Variants in BCL11B observed in about 807,000 individuals in gnomAD.
The protein encoded by BCL11B is B-cell lymphoma/leukemia 11B.
Under a neutral mutation model 49.9 loss-of-function variants are expected in BCL11B, and 8 were observed. That is an observed-to-expected ratio of 0.16 (90% confidence interval 0.09 to 0.29). The LOEUF (loss-of-function observed/expected upper bound fraction) is 0.29, where lower values mean the gene tolerates loss of function less well. BCL11B is among the 10% of genes least tolerant of loss of function. The pLI, the probability that BCL11B is intolerant of heterozygous loss-of-function variation, is 1.00. For synonymous variants in BCL11B, 739 were observed against 637.4 expected (o/e 1.16, Z -2.40); for missense variants, 1,006 against 1,351.0 (o/e 0.74, Z 4.00).
chr14:99,269,663 TATTTA>T (rs1338508878), intron 1 of BCL11B, among the ~76,000 whole-genome samples: 1 of 151,120 alleles, frequency 6.6e-6, no homozygotes, highest in African/African-American at 2.4e-5. Flanking sequence ...TTTATATATT[TATTTA>T]TTTATTTAAA....
At chr14:99,244,990 G>A (rs541452789) in intron 2 of BCL11B, among the ~76,000 whole-genome samples, 6 of 152,290 alleles carry the variant, frequency 3.9e-5, no homozygotes, top group Non-Finnish European at 7.3e-5. Context: ...TCCAATCCTA[G>A]CCTGGAAAAG....
Position 99,232,498 on chromosome 14 carries a change from T to C in BCL11B, c.428-941A>G, listed in dbSNP as rs1182746189. On this transcript the variant is annotated intron_variant, in intron 2 of 3. Coordinates refer to ENST00000357195, the MANE Select transcript of BCL11B (RefSeq NM_138576.4). The surrounding 1 kb of genome is among the most constrained non-coding windows in gnomAD (Gnocchi z 5.1). Reference sequence around the variant, plus strand: ...GCATCAGAGAGACAAAAAGGAAACGTCAACAAGAGGATGGGCAGCTGGGCC... The same window carrying C: ...GCATCAGAGAGACAAAAAGGAAACGCCAACAAGAGGATGGGCAGCTGGGCC... 6.6e-6 allele frequency among the ~76,000 whole-genome samples: 1 copy of C among 152,106 alleles called. No individual in the cohort carries two copies. Among genetic ancestry groups the C allele is most frequent in the Admixed American group, 6.5e-5 (1 of 15,280 alleles).
intron 2 of BCL11B, among the ~76,000 whole-genome samples, chr14:99,252,605 G>A (rs1263565824): frequency 1.3e-5 from 2 of 152,192 alleles, no homozygotes; most frequent in Non-Finnish European, 2.9e-5. Flanking sequence ...CTAGGTTGTG[G>A]ATGAAGACAT....
At chr14:99,187,654 TAAAC>T (rs1886893185) in intron 3 of BCL11B, among the ~76,000 whole-genome samples, 1 of 96,204 alleles carries the variant, frequency 1.0e-5, no homozygotes, top group Admixed American at 1.1e-4. Context: ...AGTTAGGAGA[TAAAC>T]AGGCAAAAAA....
At chr14:99,199,005 G>A (rs1887263865) in intron 3 of BCL11B, among the ~76,000 whole-genome samples, 1 of 152,034 alleles carries the variant, frequency 6.6e-6, no homozygotes. Flanking sequence ...CTTTGCGCGG[G>A]GCCGTTGTCC....
intron 1 of BCL11B, among the ~76,000 whole-genome samples, chr14:99,269,528 A>G (rs1377730211): frequency 2.8e-5 from 4 of 140,502 alleles, no homozygotes; most frequent in Admixed American, 2.7e-4. Flanking sequence ...CCCCCCCCCA[A>G]AAAAAATCAT....
chr14:99,225,883 G>GCCCCAACTGGGGGGCTTC (rs749914539), intron 3 of BCL11B, among the ~76,000 whole-genome samples: 1 of 151,374 alleles, frequency 6.6e-6, no homozygotes, highest in East Asian at 1.9e-4. Flanking sequence ...GCTGGTAGGT[G>GCCCCAACTGGGGGGCTTC]CCCCAACTGG....
At position 99,241,417 on chromosome 14, in the gene BCL11B, C is replaced by T. The variant is rs1888667096; in HGVS notation, c.428-9860G>A. 1.3e-5 allele frequency among the ~76,000 whole-genome samples: 2 copies of T among 151,702 alleles called. No homozygotes were observed. Among genetic ancestry groups the T allele is most frequent in the African/African-American group, 4.8e-5 (2 of 41,238 alleles). On this transcript the variant is annotated intron_variant, in intron 2 of 3. Transcript: ENST00000357195. This position sits in a 1 kb window ranked among gnomAD's most constrained non-coding sequence, Gnocchi z 4.4. ...TAGCTGTAATCTCAGAGGAAGAAAGCAGCAAGCATCGCTCAGGAGGCCTCA... is the reference window on the plus strand; with the variant it reads ...TAGCTGTAATCTCAGAGGAAGAAAGTAGCAAGCATCGCTCAGGAGGCCTCA...
chr14:99,175,771 G>T lies in BCL11B; in HGVS notation c.1065C>A (p.Ala355=). The change falls in exon 4 of 4, where the codon GCC becomes GCA. Residue 355 remains alanine (A), a synonymous_variant. Coordinates refer to ENST00000357195, the MANE Select transcript of BCL11B (RefSeq NM_138576.4). ...AGAAGTCCATGGCGGGCGAGTCGATGGCCATGGGGTTCAGGCGCATGACTC... is the reference window on the plus strand; with the variant it reads ...AGAAGTCCATGGCGGGCGAGTCGATTGCCATGGGGTTCAGGCGCATGACTC... The part of the protein sequence containing the change: ...FDRVMRLNPM[A]IDSPAMDFSR... 1 of 1,469,356 alleles carries T rather than the reference G, an allele frequency of 6.8e-7. No homozygotes were observed. 91.0% of individuals were successfully genotyped at this position (1,469,356 alleles called of 1,614,324 possible).
intron 3 of BCL11B, among the ~76,000 whole-genome samples, chr14:99,229,047 G>C (rs4900426): frequency 0.018 from 1,835 of 103,566 alleles, 12 homozygotes; most frequent in Non-Finnish European, 0.025. Context: ...TGGATGCATG[G>C]ATGGATGGAT....
Position 99,174,000 on chromosome 14 carries a change from C to A in BCL11B, c.*151G>T. 1.4e-6 allele frequency: 1 copy of A among 704,056 alleles called. No homozygotes were observed. The highest frequency in any genetic ancestry group is 2.3e-6 in the Non-Finnish European group (1 of 427,652). The allele number at this position is 704,056 out of a possible 1,614,324, so 43.6% of individuals were successfully genotyped here. On this transcript the variant is annotated 3_prime_UTR_variant, in exon 4 of 4. Transcript: ENST00000357195. ...ACCCTCGGGTTTCCATAGGACTTCG[C>A]AGACACAGGTTAGGTTGGAGTGCCG... is the stretch of plus-strand genomic sequence containing the variant.
intron 3 of BCL11B, among the ~76,000 whole-genome samples, chr14:99,197,487 T>G (rs899561969): frequency 1.3e-5 from 2 of 152,136 alleles, no homozygotes; most frequent in Non-Finnish European, 2.9e-5. Flanking sequence ...AATTGAAGAT[T>G]GGAAAGAGAA....
Position 99,174,354 on chromosome 14 carries a change from G to A in BCL11B, c.2482C>T (p.Leu828=). 4 of 1,613,524 alleles carry A rather than the reference G, an allele frequency of 2.5e-6. No individual in the cohort carries two copies. Among genetic ancestry groups the A allele is most frequent in the South Asian group, 1.1e-5 (1 of 91,066 alleles). Residue 828 remains leucine, a synonymous_variant, in exon 4 of 4, where the codon CTG becomes TTG. Transcript: ENST00000357195. ...CTCTGCGCGCACGCGTAGTTGCACA[G>A]CTCGCACTTGTAAGGCCGCTCGCCG... The part of the protein sequence containing the change: ...HTGERPYKCE[L]CNYACAQSSK...
rs1452216262 is a variant in BCL11B at position 99,171,046 on chromosome 14, G to C, written c.*3105C>G. 1 of 231,190 alleles carries C rather than the reference G, an allele frequency of 4.3e-6. No individual in the cohort carries two copies. The highest frequency in any genetic ancestry group is 2.2e-5 in the African/African-American group (1 of 45,208). The allele number at this position is 231,190 out of a possible 1,614,324, so 14.3% of individuals were successfully genotyped here. ...CTGACATCTTAGAGATGGCCTCTTA[G>C]AGAAAGGGAGGACGATGTGGAATGT... is the stretch of plus-strand genomic sequence containing the variant. On this transcript the variant is annotated 3_prime_UTR_variant, in exon 4 of 4. Transcript: ENST00000357195.
chr14:99,199,681 TGTGCGCGCGCGCGCGCACGTGCAC>T (rs1175425523), intron 3 of BCL11B, among the ~76,000 whole-genome samples: 1,406 of 70,978 alleles, frequency 0.02, 1 homozygote, highest in Middle Eastern at 0.032. Flanking sequence ...TGTGTGTGTG[TGTGCGCGCGCGCGCGCACGTGCAC>T]GTGTGTGCGT....
At chr14:99,234,117 C>T (rs1257414) in intron 2 of BCL11B, among the ~76,000 whole-genome samples, 56,376 of 151,698 alleles carry the variant, frequency 0.37, 10,647 homozygotes, top group East Asian at 0.49. Context: ...GGCAAATCCA[C>T]GGACACAGAA....
chr14:99,198,463 T>A (rs1330811055), intron 3 of BCL11B, among the ~76,000 whole-genome samples: 1 of 152,208 alleles, frequency 6.6e-6, no homozygotes, highest in Non-Finnish European at 1.5e-5. Flanking sequence ...CTGACATCAT[T>A]ATTTTCAATT....
chr14:99,214,070 A>G (rs996877140), intron 3 of BCL11B, among the ~76,000 whole-genome samples: 2 of 152,146 alleles, frequency 1.3e-5, no homozygotes, highest in African/African-American at 4.8e-5. Flanking sequence ...AGTGGAGAGG[A>G]TATTACTGAC....
Position 99,184,296 on chromosome 14 carries a change from T to C in BCL11B, c.641-8101A>G, listed in dbSNP as rs1295110206. Reference sequence around the variant, plus strand: ...AATATCTTTTCAGATCCAGCCCAAGTCTAATCCCCTCAGCATTCCACAGCA... The same window carrying C: ...AATATCTTTTCAGATCCAGCCCAAGCCTAATCCCCTCAGCATTCCACAGCA... On this transcript the variant is annotated intron_variant, in intron 3 of 3. Coordinates refer to ENST00000357195, the MANE Select transcript of BCL11B (RefSeq NM_138576.4). This position sits in a 1 kb window ranked among gnomAD's most constrained non-coding sequence, Gnocchi z 6.1. 1.3e-5 allele frequency among the ~76,000 whole-genome samples: 2 copies of C among 152,188 alleles called. No homozygotes were observed. Among genetic ancestry groups the C allele is most frequent in the African/African-American group, 4.8e-5 (2 of 41,442 alleles).
Sources: allele counts gnomAD v4.1 joint callset (sites outside exome capture counted in the v4.1 genomes callset), GRCh38; gene constraint gnomAD v4.1.1; non-coding constraint Gnocchi (gnomAD v3.1); transcripts MANE v1.5; gene names NCBI Gene and HGNC (gene_info 2026-07-23, HGNC 2026-07-21).